CMSS1: variants seen among roughly 807,000 people sequenced by gnomAD.
CMSS1 encodes cms1 ribosomal small subunit homolog, also known as protein CMSS1.
CMSS1 carries 33 observed loss-of-function variants against 43.5 expected under a neutral mutation model. The observed-to-expected ratio is 0.76, with a 90% CI of 0.57 to 1.01. The LOEUF (loss-of-function observed/expected upper bound fraction) is 1.01. CMSS1 is among the 50% of genes least tolerant of loss of function. The probability of loss-of-function intolerance (pLI) is 0.00; values close to 1 mark genes in which losing one functional copy is unlikely to be tolerated. For synonymous variants in CMSS1, 115 were observed against 117.2 expected, an observed-to-expected ratio of 0.98 and a Z score of 0.12; for missense variants, 313 against 326.4, an observed-to-expected ratio of 0.96 and a Z score of 0.32.
intron 9 of CMSS1, 77 bp from the exon 10 acceptor site, chr3:100,178,228 C>T (rs2067163808): frequency 2.5e-6 from 2 of 809,080 alleles, no homozygotes; most frequent in South Asian, 3.1e-5. Context: ...ATCAGGGAGT[C>T]CTGATGGTTG....
chr3:99,825,818 C>G (rs1012220790), intron 1 of CMSS1, among the ~76,000 whole-genome samples: 2 of 148,044 alleles, frequency 1.4e-5, no homozygotes, highest in Non-Finnish European at 3.0e-5. Flanking sequence ...GCTCTTGTCC[C>G]CCAGGCTGGA....
intron 1 of CMSS1, among the ~76,000 whole-genome samples, chr3:99,827,362 TTG>T (rs1559646993): frequency 1.3e-5 from 2 of 151,844 alleles, no homozygotes; most frequent in Non-Finnish European, 2.9e-5. Context: ...CAGCTAATTT[TTG>T]TGTTTTTAAT....
chr3:100,024,698 A>G (rs1338858513), intron 1 of CMSS1, among the ~76,000 whole-genome samples: 1 of 152,176 alleles, frequency 6.6e-6, no homozygotes, highest in African/African-American at 2.4e-5. Flanking sequence ...AGCCTCTCTT[A>G]TTCAGCATGT....
At chr3:99,923,314 A>G (rs1360289062) in intron 1 of CMSS1, among the ~76,000 whole-genome samples, 1 of 152,082 alleles carries the variant, frequency 6.6e-6, no homozygotes, top group Non-Finnish European at 1.5e-5. Context: ...TTTACACCAG[A>G]TACTGTAATA....
rs2065451680 is a variant in CMSS1 at position 100,055,616 on chromosome 3, G to T, written c.65-91357G>T. On this transcript the variant is annotated intron_variant, in intron 1 of 9. Coordinates refer to ENST00000421999, the MANE Select transcript of CMSS1 (RefSeq NM_032359.4). ...AAATTACCCATTGCTATACCACCTA[G>T]ATTAAAAACCACAGCCAGCATTTTG... Among the ~76,000 whole-genome samples the T allele has an allele frequency of 2.0e-5, 3 of 152,070 alleles. No individual in the cohort carries two copies. In the South Asian group the frequency reaches 6.2e-4, roughly 32 times the overall value.
At chr3:99,876,242 G>C (rs1705513127) in intron 1 of CMSS1, 40 of 984,870 alleles carry the variant, frequency 4.1e-5, no homozygotes, top group Non-Finnish European at 4.7e-5. Context: ...GGCGCTCCGC[G>C]TGTGCGGCGC....
At chr3:100,118,569 G>A (rs974660172) in intron 1 of CMSS1, among the ~76,000 whole-genome samples, 2 of 152,174 alleles carry the variant, frequency 1.3e-5, no homozygotes, top group South Asian at 2.1e-4. Context: ...GTATCCATGC[G>A]GCCTCTGTTC....
At chr3:100,167,892 T>C (rs774484595) in intron 6 of CMSS1, 52 bp downstream of exon 6, 34 of 1,213,748 alleles carry the variant, frequency 2.8e-5, no homozygotes, top group Non-Finnish European at 4.0e-5. Flanking sequence ...ATAACTGATA[T>C]ATGCCAAGCT....
At chr3:99,849,096 C>T (rs1370436202) in intron 1 of CMSS1, 1 of 1,614,034 alleles carries the variant, frequency 6.2e-7, no homozygotes, top group Non-Finnish European at 8.5e-7. Context: ...GAATCCATAG[C>T]TTTCTGTTAA....
At chr3:100,050,880 T>C (rs887893136) in intron 1 of CMSS1, among the ~76,000 whole-genome samples, 1 of 152,160 alleles carries the variant, frequency 6.6e-6, no homozygotes, top group Non-Finnish European at 1.5e-5. Context: ...GATAACTCTG[T>C]GAGACACATT....
chr3:100,127,362 GC>G (rs1381774161), intron 1 of CMSS1, among the ~76,000 whole-genome samples: 4 of 152,174 alleles, frequency 2.6e-5, no homozygotes, highest in African/African-American at 9.7e-5. Context: ...CATGGGTCCA[GC>G]CAAGAACCAG....
chr3:99,903,511 A>G (rs991093040), intron 1 of CMSS1, among the ~76,000 whole-genome samples: 1 of 152,092 alleles, frequency 6.6e-6, no homozygotes, highest in Non-Finnish European at 1.5e-5. Flanking sequence ...CGGCCTCCCA[A>G]AGTGCTGGGA....
intron 1 of CMSS1, among the ~76,000 whole-genome samples, chr3:99,996,969 A>C (rs1164886910): frequency 6.6e-6 from 1 of 152,208 alleles, no homozygotes; most frequent in African/African-American, 2.4e-5. Flanking sequence ...AAAACACAAC[A>C]TGCCTTAACC....
chr3:99,917,732 T>C (rs891255912), intron 1 of CMSS1, among the ~76,000 whole-genome samples: 2 of 152,174 alleles, frequency 1.3e-5, no homozygotes, highest in African/African-American at 4.8e-5. Flanking sequence ...GTTTCAAATA[T>C]GTGGAAGCAG....
At chr3:99,960,020 G>A (rs1023239220) in intron 1 of CMSS1, among the ~76,000 whole-genome samples, 3 of 152,056 alleles carry the variant, frequency 2.0e-5, no homozygotes, top group Non-Finnish European at 4.4e-5. Context: ...CTCCTTTCCT[G>A]CCTCCCTCCT....
At chr3:100,060,474 C>A (rs2065543857) in intron 1 of CMSS1, among the ~76,000 whole-genome samples, 1 of 151,812 alleles carries the variant, frequency 6.6e-6, no homozygotes, top group African/African-American at 2.4e-5. Context: ...AATCAGAGCA[C>A]ATTAGAATAG....
intron 1 of CMSS1, chr3:100,025,479 G>T (rs1162166606): frequency 2.6e-5 from 4 of 151,976 alleles, no homozygotes; most frequent in Non-Finnish European, 5.9e-5. Flanking sequence ...GTTGCCTAGG[G>T]TTAAAATAGA....
At chr3:100,086,621 A>G (rs2066014065) in intron 1 of CMSS1, among the ~76,000 whole-genome samples, 1 of 152,248 alleles carries the variant, frequency 6.6e-6, no homozygotes, top group African/African-American at 2.4e-5. Context: ...CTTCCTATGA[A>G]TCATTGCAGC....
intron 1 of CMSS1, among the ~76,000 whole-genome samples, chr3:99,908,011 A>G (rs951117176): frequency 6.6e-6 from 1 of 152,232 alleles, no homozygotes; most frequent in Non-Finnish European, 1.5e-5. Context: ...TGTGTATTGA[A>G]TATTTGTAAA....
Sources: allele counts gnomAD v4.1 joint callset (sites outside exome capture counted in the v4.1 genomes callset), GRCh38; gene constraint gnomAD v4.1.1; transcripts MANE v1.5; gene names NCBI Gene and HGNC (gene_info 2026-07-23, HGNC 2026-07-21).